The following TSNARE1 variants were observed in gnomAD, a reference collection of about 807,000 sequenced individuals.
The protein encoded by TSNARE1 is t-SNARE domain containing 1, also known as t-SNARE domain-containing protein 1.
In TSNARE1, 49 loss-of-function variants were observed where a neutral mutation model predicts 62.0. The ratio of observed to expected loss-of-function variants is 0.79; its 90% CI spans 0.63 to 1.00. The LOEUF (loss-of-function observed/expected upper bound fraction) is 1.00. Ranked by LOEUF, TSNARE1 falls within the 50% of genes least tolerant of loss-of-function variation. The pLI is 0.00. For missense variants in TSNARE1, 755 were observed against 700.1 expected (o/e 1.08, Z -0.88); for synonymous variants, 328 against 294.4 (o/e 1.11, Z -1.17).
intron 13 of TSNARE1, among the ~76,000 whole-genome samples, chr8:142,219,489 T>G (rs1816101890): frequency 6.6e-6 from 1 of 152,062 alleles, no homozygotes; most frequent in Non-Finnish European, 1.5e-5. Context: ...CTCCAGGAAA[T>G]GTGGTGATCT....
At chr8:142,402,211 A>AGCACC (rs1838343107) in intron 1 of TSNARE1, among the ~76,000 whole-genome samples, 1 of 152,126 alleles carries the variant, frequency 6.6e-6, no homozygotes, top group African/African-American at 2.4e-5. Flanking sequence ...GGGGCGGAGA[A>AGCACC]GCACCGGCGG....
intron 1 of TSNARE1, chr8:142,365,923 C>G: frequency 2.2e-6 from 1 of 453,006 alleles, no homozygotes; most frequent in Non-Finnish European, 4.4e-6. Context: ...TGTTCATGGA[C>G]AGGAACACTC....
chr8:142,222,699 TCCACTCACTCAC>T (rs1816425155), intron 13 of TSNARE1, among the ~76,000 whole-genome samples: 1 of 10,842 alleles, frequency 9.2e-5, no homozygotes, highest in Non-Finnish European at 2.3e-4. Context: ...CACTCACTCA[TCCACTCACTCAC>T]TCATCCACTC....
chr8:142,331,489 A>G (rs956160931), intron 5 of TSNARE1, among the ~76,000 whole-genome samples: 1 of 152,220 alleles, frequency 6.6e-6, no homozygotes, highest in Non-Finnish European at 1.5e-5. Context: ...AGGCAGGAGC[A>G]GCCAGCGGGA....
At chr8:142,275,440 G>T (rs1463342277) in intron 11 of TSNARE1, 1 of 985,200 alleles carries the variant, frequency 1.0e-6, no homozygotes, top group Non-Finnish European at 1.2e-6. Context: ...GGCTGCAGCA[G>T]TGCCACCCAG....
intron 12 of TSNARE1, among the ~76,000 whole-genome samples, 195 bp from the exon 13 acceptor site, chr8:142,229,774 G>A (rs1047052056): frequency 1.3e-5 from 2 of 152,134 alleles, no homozygotes; most frequent in Non-Finnish European, 2.9e-5. Flanking sequence ...TAACTGCTCT[G>A]GGCTGGCTCT....
intron 9 of TSNARE1, among the ~76,000 whole-genome samples, chr8:142,301,331 G>A (rs1357860349): frequency 1.9e-5 from 2 of 102,806 alleles, no homozygotes; most frequent in Non-Finnish European, 3.9e-5. Context: ...TTCCCCTCCC[G>A]TCAGGAGCCC....
chr8:142,393,270 C>T (rs919116517), intron 1 of TSNARE1, among the ~76,000 whole-genome samples: 4 of 152,174 alleles, frequency 2.6e-5, no homozygotes, highest in African/African-American at 9.7e-5. Flanking sequence ...TTCTACGACT[C>T]GCTTCAACTG....
chr8:142,380,324 C>T (rs117452883), intron 1 of TSNARE1, among the ~76,000 whole-genome samples: 5 of 152,194 alleles, frequency 3.3e-5, no homozygotes, highest in East Asian at 1.9e-4. Context: ...TTCCTCCTTC[C>T]GGGCACCACC....
chr8:142,344,391 G>T lies in TSNARE1; in HGVS notation c.320C>A (p.Ala107Asp). 6.3e-7 allele frequency: 1 copy of T among 1,578,292 alleles called. No homozygotes were observed. The highest frequency in any genetic ancestry group is 8.6e-7 in the Non-Finnish European group (1 of 1,165,582). The change falls in exon 4 of 14, where the codon GCT becomes GAT. Residue 107 changes from alanine to aspartate, a missense_variant. Ala to Asp is a moderately radical substitution (Grantham distance 126). Transcript: ENST00000524325. ...PTIGPRKDSA[A>D]GPHGRMAGPS... ...CCCCGCCATCCGGCCATGGGGCCCA[G>T]CAGCCGAGTCCTTCCTCGGGCCAAT...
chr8:142,344,146 G>A lies in TSNARE1; in HGVS notation c.565C>T (p.Arg189Trp), dbSNP rs778456613. 1.8e-5 allele frequency: 29 copies of A among 1,612,862 alleles called. No individual in the cohort carries two copies. The highest frequency in any genetic ancestry group is 1.7e-4 in the African/African-American group (13 of 74,916). The change falls in exon 4 of 14, where the codon CGG becomes TGG. Residue 189 changes from arginine to tryptophan, a missense_variant. By Grantham distance (101) the Arg-to-Trp change is moderately radical. Transcript: ENST00000524325. ...CGCCGCACGACGGCTCGTAGGTCCC[G>A]CCACTTGTGCTTCAGGTCCACAACG... ...RDVVDLKHKW[R>W]DLRAVVRRKL...
At position 142,354,728 on chromosome 8, in the gene TSNARE1, C is replaced by G; in HGVS notation, c.-4G>C. ...GGGCGATGGATCCGTATGACATCTT[C>G]TTACAGATGGCAGGGCCAGCAGCCT... On this transcript the variant is annotated 5_prime_UTR_variant, in exon 2 of 14. Transcript: ENST00000524325. The G allele has an allele frequency of 6.2e-7, 1 of 1,612,646 alleles. No individual in the cohort carries two copies. Among genetic ancestry groups the G allele is most frequent in the South Asian group, 1.1e-5 (1 of 91,024 alleles).
chr8:142,280,265 C>A (rs1430591345), intron 11 of TSNARE1: 2 of 985,182 alleles, frequency 2.0e-6, no homozygotes, highest in African/African-American at 3.5e-5. Context: ...AGCAGCAGGG[C>A]TGCCGCGGCC....
intron 10 of TSNARE1, among the ~76,000 whole-genome samples, chr8:142,286,352 G>A (rs1003482912): frequency 6.6e-6 from 1 of 152,168 alleles, no homozygotes; most frequent in Non-Finnish European, 1.5e-5. Context: ...ATGTTACAAG[G>A]GAATTCATTT....
intron 1 of TSNARE1, among the ~76,000 whole-genome samples, chr8:142,369,923 C>T (rs1030383830): frequency 1.3e-5 from 2 of 152,234 alleles, no homozygotes; most frequent in African/African-American, 4.8e-5. Flanking sequence ...AAGGCATTCA[C>T]TCTAGACTGA....
intron 1 of TSNARE1, among the ~76,000 whole-genome samples, chr8:142,396,007 T>C (rs1367384618): frequency 6.6e-6 from 1 of 151,432 alleles, no homozygotes; most frequent in Admixed American, 6.6e-5. Flanking sequence ...TGGCTCTCTT[T>C]GTCCGTGGCT....
At chr8:142,369,916 G>A in intron 1 of TSNARE1, among the ~76,000 whole-genome samples, 1 of 152,196 alleles carries the variant, frequency 6.6e-6, no homozygotes, top group African/African-American at 2.4e-5. Flanking sequence ...AGAATGAAAG[G>A]CATTCACTCT....
At chr8:142,313,932 C>A (rs1828080480) in intron 9 of TSNARE1, among the ~76,000 whole-genome samples, 1 of 152,180 alleles carries the variant, frequency 6.6e-6, no homozygotes, top group Admixed American at 6.5e-5. Flanking sequence ...GTGCTCGCCA[C>A]CACGCCTAGC....
intron 7 of TSNARE1, among the ~76,000 whole-genome samples, chr8:142,316,088 C>T (rs982329284): frequency 1.3e-5 from 2 of 152,096 alleles, no homozygotes; most frequent in South Asian, 4.1e-4. Context: ...CAGCACCTCA[C>T]GTAAGCGCAG....
Sources: gnomAD v4.1 joint callset for allele counts (sites outside exome capture counted in the v4.1 genomes callset) on GRCh38, gnomAD v4.1.1 for gene constraint, MANE v1.5 for transcripts, NCBI Gene and HGNC (gene_info 2026-07-23, HGNC 2026-07-21) for gene names.